The following RAB2A variants were observed in gnomAD, a reference collection of about 807,000 sequenced individuals.
RAB2A encodes RAB2A, member RAS oncogene family.
A neutral mutation model predicts 32.5 loss-of-function variants in RAB2A; 7 were observed. The ratio of observed to expected loss-of-function variants is 0.22; its 90% CI spans 0.12 to 0.40. The LOEUF (loss-of-function observed/expected upper bound fraction) is 0.40, where lower values mean the gene tolerates loss of function less well. Among genes scored for constraint, RAB2A ranks in the 10% least tolerant of loss-of-function variants. RAB2A has a pLI of 1.00. For synonymous variants in RAB2A, 79 were observed against 85.2 expected, an observed-to-expected ratio of 0.93 and a Z score of 0.40; for missense variants, 108 against 260.7, an observed-to-expected ratio of 0.41 and a Z score of 4.03.
chr8:60,552,856 GGACA>G (rs1320455294), intron 1 of RAB2A: 1 of 152,192 alleles, frequency 6.6e-6, no homozygotes, highest in African/African-American at 2.4e-5. Flanking sequence ...AAGGGTATGA[GGACA>G]GACAGAGGCT....
At chr8:60,587,639 C>G (rs1221311364) in intron 5 of RAB2A, among the ~76,000 whole-genome samples, 1 of 152,086 alleles carries the variant, frequency 6.6e-6, no homozygotes, top group Non-Finnish European at 1.5e-5. Context: ...GTTAAGTGTT[C>G]TCACCACAAA....
intron 7 of RAB2A, among the ~76,000 whole-genome samples, chr8:60,620,023 A>G (rs1347563883): frequency 6.6e-6 from 1 of 152,266 alleles, no homozygotes; most frequent in African/African-American, 2.4e-5. Flanking sequence ...GCCAAGCACT[A>G]TAAATCTGAG....
chr8:60,568,861 G>A (rs1413323139), intron 2 of RAB2A, among the ~76,000 whole-genome samples: 1 of 151,974 alleles, frequency 6.6e-6, no homozygotes, highest in African/African-American at 2.4e-5. Context: ...AAGGCATAGA[G>A]AATAACAATT....
chr8:60,541,231 A>G (rs1279045590), intron 1 of RAB2A, among the ~76,000 whole-genome samples: 2 of 152,144 alleles, frequency 1.3e-5, no homozygotes, highest in Non-Finnish European at 2.9e-5. Flanking sequence ...AGTACTCAAA[A>G]CTGTCAAGAA....
intron 5 of RAB2A, among the ~76,000 whole-genome samples, chr8:60,590,260 T>A (rs1027404397): frequency 6.6e-6 from 1 of 151,880 alleles, no homozygotes; most frequent in African/African-American, 2.4e-5. Flanking sequence ...GCACCCGGCC[T>A]ATTGTTTCTT....
intron 6 of RAB2A, among the ~76,000 whole-genome samples, chr8:60,603,818 C>T (rs1178357900): frequency 1.3e-5 from 2 of 152,074 alleles, no homozygotes; most frequent in East Asian, 3.9e-4. Context: ...GCCAGGAGTT[C>T]AAGACCAGCC....
chr8:60,616,928 A>C (rs943691974), intron 6 of RAB2A, among the ~76,000 whole-genome samples: 2 of 152,256 alleles, frequency 1.3e-5, no homozygotes, highest in African/African-American at 4.8e-5. Flanking sequence ...TGGCAAGTTC[A>C]GCAGTCAAAT....
chr8:60,560,254 A>AT (rs1808001180), intron 2 of RAB2A, among the ~76,000 whole-genome samples: 1 of 152,014 alleles, frequency 6.6e-6, no homozygotes, highest in Non-Finnish European at 1.5e-5. Flanking sequence ...TGCCTGGCTA[A>AT]TTTTTTGTGT....
intron 3 of RAB2A, among the ~76,000 whole-genome samples, chr8:60,576,046 T>G (rs896174301): frequency 6.6e-6 from 1 of 152,206 alleles, no homozygotes; most frequent in Admixed American, 6.5e-5. Flanking sequence ...CTTTTGCCAG[T>G]AGTGAGAATA....
Position 60,517,088 on chromosome 8 carries a change from C to A in RAB2A, c.-120C>A. The A allele has an allele frequency of 9.3e-7, 1 of 1,075,530 alleles. No individual in the cohort carries two copies. Among genetic ancestry groups the A allele is most frequent in the Non-Finnish European group, 1.3e-6 (1 of 788,688 alleles). The allele number at this position is 1,075,530 out of a possible 1,614,324, so 66.6% of individuals were successfully genotyped here. ...CCTCACTCCCGGCGGCTGACAGCAG[C>A]AGCGGCGGCGGCGGGCGGCGCCTGG... On this transcript the variant is annotated 5_prime_UTR_variant, in exon 1 of 8. Coordinates refer to ENST00000262646, the MANE Select transcript of RAB2A (RefSeq NM_002865.3).
At chr8:60,613,949 G>A (rs1183090312) in intron 6 of RAB2A, among the ~76,000 whole-genome samples, 1 of 152,156 alleles carries the variant, frequency 6.6e-6, no homozygotes, top group Non-Finnish European at 1.5e-5. Context: ...TTGTTTACAA[G>A]ATACCCTGCT....
At position 60,576,000 on chromosome 8, in the gene RAB2A, T is replaced by C. The variant is rs148325537; in HGVS notation, c.186+3887T>C. On this transcript the variant is annotated intron_variant, in intron 3 of 7. Coordinates refer to ENST00000262646, the MANE Select transcript of RAB2A (RefSeq NM_002865.3). ...TATCTTCAAAAAATTTAAGGAGTTT[T>C]CCTTGCAAGATTTTCACATCCACCA... Among the ~76,000 whole-genome samples the C allele has an allele frequency of 6.4e-4, 98 of 152,296 alleles. No individual in the cohort carries two copies. In the East Asian group the frequency reaches 0.017, roughly 26 times the overall value.
chr8:60,579,777 G>A (rs745338423), intron 3 of RAB2A, among the ~76,000 whole-genome samples: 9 of 151,778 alleles, frequency 5.9e-5, no homozygotes, highest in Non-Finnish European at 4.4e-5. Flanking sequence ...ACAGGTGCCC[G>A]CCACCAAGCC....
chr8:60,620,310 A>C (rs1343314648), intron 7 of RAB2A, among the ~76,000 whole-genome samples: 2 of 152,238 alleles, frequency 1.3e-5, no homozygotes, highest in Non-Finnish European at 2.9e-5. Flanking sequence ...TCTAGAGAAA[A>C]GATTTTACGT....
intron 1 of RAB2A, among the ~76,000 whole-genome samples, chr8:60,556,533 C>T (rs1189619832): frequency 6.6e-6 from 1 of 150,626 alleles, no homozygotes; most frequent in Admixed American, 6.6e-5. Flanking sequence ...GGTGTAGTGG[C>T]ACATGCCTGT....
chr8:60,604,568 A>T (rs1424262180), intron 6 of RAB2A, among the ~76,000 whole-genome samples: 1 of 152,188 alleles, frequency 6.6e-6, no homozygotes, highest in Non-Finnish European at 1.5e-5. Flanking sequence ...AGGAGGTCTC[A>T]GATGGAGATT....
In RAB2A at chr8:60,517,099, G is replaced by A. The variant is rs1807217268; in HGVS notation, c.-109G>A. ...GCGGCTGACAGCAGCAGCGGCGGCG[G>A]CGGGCGGCGCCTGGCGTTTCGAGGC... On this transcript the variant is annotated 5_prime_UTR_variant, in exon 1 of 8. Coordinates refer to ENST00000262646, the MANE Select transcript of RAB2A (RefSeq NM_002865.3). 3 of 1,193,866 alleles carry A rather than the reference G, an allele frequency of 2.5e-6. No homozygotes were observed. Among genetic ancestry groups the A allele is most frequent in the South Asian group, 1.8e-5 (1 of 54,502 alleles). 74.0% of individuals were successfully genotyped at this position (1,193,866 alleles called of 1,614,324 possible).
intron 2 of RAB2A, among the ~76,000 whole-genome samples, chr8:60,562,541 A>T (rs1808040061): frequency 6.6e-6 from 1 of 152,164 alleles, no homozygotes; most frequent in African/African-American, 2.4e-5. Context: ...TTTAAATTGA[A>T]ATTTTATTTT....
intron 1 of RAB2A, among the ~76,000 whole-genome samples, chr8:60,532,033 G>A (rs1807485004): frequency 6.6e-6 from 1 of 152,132 alleles, no homozygotes; most frequent in Admixed American, 6.5e-5. Flanking sequence ...TCGAACTCCT[G>A]ACCTCAGGTG....
Sources: gnomAD v4.1 joint callset for allele counts (sites outside exome capture counted in the v4.1 genomes callset) on GRCh38, gnomAD v4.1.1 for gene constraint, MANE v1.5 for transcripts, NCBI Gene and HGNC (gene_info 2026-07-23, HGNC 2026-07-21) for gene names.